The following FGF14 variants were observed in gnomAD, a reference collection of about 807,000 sequenced individuals.
The protein encoded by FGF14 is fibroblast growth factor homologous factor 4.
A neutral mutation model predicts 25.5 loss-of-function variants in FGF14; 5 were observed. That is an observed-to-expected ratio of 0.20 (90% confidence interval 0.10 to 0.41). The LOEUF is 0.41. Ranked by LOEUF, FGF14 falls within the 10% of genes least tolerant of loss-of-function variation. The pLI is 1.00. For synonymous variants in FGF14, 138 were observed against 118.3 expected, an observed-to-expected ratio of 1.17 and a Z score of -1.08; for missense variants, 222 against 320.1, an observed-to-expected ratio of 0.69 and a Z score of 2.34.
chr13:102,320,955 C>A (rs551322997), intron 1 of FGF14, among the ~76,000 whole-genome samples: 16 of 152,306 alleles, frequency 1.1e-4, no homozygotes, highest in African/African-American at 3.8e-4. Context: ...TATGGCTATA[C>A]TCAAAATAGC....
At position 102,037,582 on chromosome 13, in the gene FGF14, G is replaced by A. The variant is rs143372391; in HGVS notation, c.209-162286C>T. On this transcript the variant is annotated intron_variant, in intron 1 of 4. Coordinates refer to the FGF14 transcript ENST00000376131. ...CCTCCTGCCAATAGGAGGAAATAAG[G>A]GAATGGGGGAAAGATCATGAAAAGG... Among the ~76,000 whole-genome samples the A allele has an allele frequency of 2.8e-3, 432 of 152,184 alleles. 2 individuals carry two copies. The highest frequency in any genetic ancestry group is 4.9e-3 in the Non-Finnish European group (334 of 67,998).
chr13:101,804,767 C>A (rs1012752745), intron 3 of FGF14, among the ~76,000 whole-genome samples: 1 of 151,862 alleles, frequency 6.6e-6, no homozygotes, highest in African/African-American at 2.4e-5. Context: ...ACCATGTAAA[C>A]CAAAGAAAGA....
At chr13:102,025,285 G>A (rs951712093) in intron 1 of FGF14, among the ~76,000 whole-genome samples, 8 of 151,696 alleles carry the variant, frequency 5.3e-5, no homozygotes, top group Non-Finnish European at 1.0e-4. Context: ...TAAGTTTGGC[G>A]AGTACTGACA....
chr13:101,770,422 T>C (rs972741265), intron 3 of FGF14, among the ~76,000 whole-genome samples: 19 of 152,076 alleles, frequency 1.2e-4, no homozygotes, highest in African/African-American at 4.1e-4. Context: ...AAACAAACAT[T>C]TGGATAATGA....
At chr13:101,873,102 T>C (rs893988646) in intron 2 of FGF14, among the ~76,000 whole-genome samples, 1 of 152,118 alleles carries the variant, frequency 6.6e-6, no homozygotes, top group Admixed American at 6.6e-5. Flanking sequence ...CAGTTTAGTC[T>C]TTAAAATTAT....
At chr13:101,964,323 T>C (rs1483181977) in intron 1 of FGF14, among the ~76,000 whole-genome samples, 2 of 152,214 alleles carry the variant, frequency 1.3e-5, no homozygotes, top group Non-Finnish European at 2.9e-5. Context: ...TTTATACTAA[T>C]AAATGTGTAT....
At chr13:101,929,475 T>C (rs143661988) in intron 1 of FGF14, among the ~76,000 whole-genome samples, 146 of 152,338 alleles carry the variant, frequency 9.6e-4, no homozygotes, top group African/African-American at 3.2e-3. Flanking sequence ...TTAGGAATTT[T>C]GTATGTCACT....
chr13:102,068,413 GC>G (rs1184736098), intron 1 of FGF14, among the ~76,000 whole-genome samples: 1 of 152,220 alleles, frequency 6.6e-6, no homozygotes, highest in African/African-American at 2.4e-5. Flanking sequence ...CACTGTGGGA[GC>G]CCCTTTCTGG....
intron 3 of FGF14, among the ~76,000 whole-genome samples, chr13:101,769,315 T>C (rs917824825): frequency 6.6e-6 from 1 of 151,552 alleles, no homozygotes; most frequent in Admixed American, 6.6e-5. Context: ...GACAAGAAAG[T>C]ATTAGACAAC....
chr13:102,204,478 C>G (rs888414362), intron 1 of FGF14, among the ~76,000 whole-genome samples: 1 of 152,076 alleles, frequency 6.6e-6, no homozygotes, highest in Non-Finnish European at 1.5e-5. Context: ...TGGGCATGGC[C>G]CATATATATG....
chr13:101,985,334 A>G (rs572101302), intron 1 of FGF14, among the ~76,000 whole-genome samples: 3 of 152,242 alleles, frequency 2.0e-5, no homozygotes, highest in East Asian at 3.9e-4. Flanking sequence ...AAGAAGAGTT[A>G]TACGTATGTG....
chr13:102,206,418 C>A (rs1000538549), intron 1 of FGF14, among the ~76,000 whole-genome samples: 24 of 152,254 alleles, frequency 1.6e-4, no homozygotes, highest in Non-Finnish European at 2.9e-4. Flanking sequence ...CAGTGGCTCA[C>A]GCCTGTAATC....
At chr13:101,967,244 T>C (rs999297368) in intron 1 of FGF14, among the ~76,000 whole-genome samples, 4 of 152,214 alleles carry the variant, frequency 2.6e-5, no homozygotes, top group South Asian at 4.1e-4. Context: ...TAAGAATGTC[T>C]GAGGGTGGAG....
intron 1 of FGF14, among the ~76,000 whole-genome samples, chr13:101,878,463 G>A (rs2045519853): frequency 1.3e-5 from 2 of 152,076 alleles, no homozygotes; most frequent in African/African-American, 4.8e-5. Context: ...TGTGTTCCTG[G>A]TTAAGTAGAT....
chr13:102,267,185 A>G (rs575300024), intron 1 of FGF14, among the ~76,000 whole-genome samples: 1 of 152,244 alleles, frequency 6.6e-6, no homozygotes, highest in South Asian at 2.1e-4. Flanking sequence ...ATTCACAACT[A>G]TTGGGTTAGA....
At chr13:102,134,660 T>C (rs2046333001) in intron 1 of FGF14, among the ~76,000 whole-genome samples, 1 of 152,182 alleles carries the variant, frequency 6.6e-6, no homozygotes, top group South Asian at 2.1e-4. Flanking sequence ...TGGGGCCCCA[T>C]GCTGAAACTC....
At chr13:102,095,056 GA>G (rs1413000344) in intron 1 of FGF14, among the ~76,000 whole-genome samples, 1 of 152,132 alleles carries the variant, frequency 6.6e-6, no homozygotes, top group Non-Finnish European at 1.5e-5. Context: ...TACCATTGGA[GA>G]TACCGTCATT....
chr13:101,914,184 G>A (rs1013316607), intron 1 of FGF14, among the ~76,000 whole-genome samples: 3 of 150,960 alleles, frequency 2.0e-5, no homozygotes, highest in Non-Finnish European at 3.0e-5. Flanking sequence ...TCGACAATAA[G>A]ACTTAATTAA....
intron 3 of FGF14, among the ~76,000 whole-genome samples, chr13:101,770,643 A>G (rs2139967362): frequency 6.6e-6 from 1 of 152,264 alleles, no homozygotes; most frequent in East Asian, 1.9e-4. Flanking sequence ...TTATATATCA[A>G]TGAGTAATTC....
Sources: gnomAD v4.1 joint callset for allele counts (sites outside exome capture counted in the v4.1 genomes callset) on GRCh38, gnomAD v4.1.1 for gene constraint, MANE v1.5 for transcripts, NCBI Gene and HGNC (gene_info 2026-07-23, HGNC 2026-07-21) for gene names.